The following USP48 variants were observed in gnomAD, a reference collection of about 807,000 sequenced individuals.
USP48 encodes ubiquitin carboxyl-terminal hydrolase 48.
In USP48, 43 loss-of-function variants were observed where a neutral mutation model predicts 150.7. That is an observed-to-expected ratio of 0.29 (90% CI 0.22 to 0.37). The LOEUF is 0.37. USP48 is among the 10% of genes least tolerant of loss of function. The pLI, the probability that USP48 is intolerant of heterozygous loss-of-function variation, is 1.00. For synonymous variants in USP48, 396 were observed against 425.9 expected, an observed-to-expected ratio of 0.93 and a Z score of 0.86; for missense variants, 813 against 1,249.6, an observed-to-expected ratio of 0.65 and a Z score of 5.27.
chr1:21,765,901 C>CAAAAAAAAAAAAAAAAAAA (rs199539331), intron 1 of USP48, among the ~76,000 whole-genome samples: 2 of 112,158 alleles, frequency 1.8e-5, no homozygotes, highest in African/African-American at 8.2e-5. Context: ...ACTCCATCTC[C>CAAAAAAAAAAAAAAAAAAA]AAAAAAAAAA....
At chr1:21,714,210 A>T (rs333186) in intron 15 of USP48, among the ~76,000 whole-genome samples, 1 of 152,064 alleles carries the variant, frequency 6.6e-6, no homozygotes, top group Non-Finnish European at 1.5e-5. Context: ...AACAAGAAAC[A>T]CATGAACATG....
intron 22 of USP48, among the ~76,000 whole-genome samples, 171 bp downstream of exon 22, chr1:21,701,327 T>C (rs1372460960): frequency 2.7e-5 from 4 of 146,590 alleles, no homozygotes; most frequent in African/African-American, 5.1e-5. Flanking sequence ...GATAGTGCCA[T>C]TGCACTCCAG....
intron 8 of USP48, among the ~76,000 whole-genome samples, chr1:21,738,485 T>C (rs989857073): frequency 6.6e-6 from 1 of 151,512 alleles, no homozygotes; most frequent in Non-Finnish European, 1.5e-5. Flanking sequence ...ACCTCCCAAG[T>C]AGCTGAGATT....
In USP48 at chr1:21,694,602, A is replaced by AC. The variant is rs1557429297; in HGVS notation, c.2883+463_2883+464insG. 2.7e-4 allele frequency among the ~76,000 whole-genome samples: 21 copies of AC among 76,368 alleles called. No homozygotes were observed. The East Asian group carries it at 4.3e-3, about 16-fold the overall frequency. 50.1% of individuals were successfully genotyped at this position (76,368 alleles called of 152,430 possible). Reference sequence around the variant, plus strand: ...AAAAAAAAAAAAAAAAAAAAAAAAAAAAAAACCCCCTCTATCTATCAAATA... The same window carrying AC: ...AAAAAAAAAAAAAAAAAAAAAAAAAACAAAAACCCCCTCTATCTATCAAATA... On this transcript the variant is annotated intron_variant, in intron 23 of 26. Coordinates refer to ENST00000308271, the MANE Select transcript of USP48 (RefSeq NM_032236.8).
intron 1 of USP48, among the ~76,000 whole-genome samples, chr1:21,779,596 A>G (rs2097909532): frequency 6.6e-6 from 1 of 152,112 alleles, no homozygotes; most frequent in South Asian, 2.1e-4. Flanking sequence ...CACACAACCC[A>G]ACAATCCCAC....
intron 24 of USP48, among the ~76,000 whole-genome samples, chr1:21,689,118 C>G (rs2097588839): frequency 6.6e-6 from 1 of 150,842 alleles, no homozygotes; most frequent in African/African-American, 2.4e-5. Flanking sequence ...CTACTTTTAA[C>G]TAAGAAAAAC....
chr1:21,679,173 C>CT lies in USP48; in HGVS notation c.*243dup. 4.8e-5 allele frequency: 23 copies of CT among 475,970 alleles called. No individual in the cohort carries two copies. Among genetic ancestry groups the CT allele is most frequent in the Non-Finnish European group, 7.7e-5 (20 of 260,560 alleles). The allele number at this position is 475,970 out of a possible 1,614,324, so 29.5% of individuals were successfully genotyped here. ...AACTTGTTCCGTCTTTACTTGCCCC[C>CT]TCCCACCCACCACCCCCCTTAAATA... On this transcript the variant is annotated 3_prime_UTR_variant, in exon 27 of 27. Coordinates refer to ENST00000308271, the MANE Select transcript of USP48 (RefSeq NM_032236.8).
chr1:21,774,923 C>A (rs559780682), intron 1 of USP48, among the ~76,000 whole-genome samples: 1 of 150,856 alleles, frequency 6.6e-6, no homozygotes, highest in Admixed American at 6.6e-5. Context: ...CCTTGGGAGG[C>A]GGAGGTTGCA....
At chr1:21,724,291 C>T in intron 11 of USP48, 196 bp from the exon 12 acceptor site, 3 of 631,810 alleles carry the variant, frequency 4.7e-6, no homozygotes, top group South Asian at 3.8e-5. Context: ...GTTCAAGGAG[C>T]TGTGCACCAT....
At chr1:21,685,285 C>G (rs979164346) in intron 25 of USP48, among the ~76,000 whole-genome samples, 1 of 147,088 alleles carries the variant, frequency 6.8e-6, no homozygotes, top group Non-Finnish European at 1.5e-5. Context: ...AGTATTTAAT[C>G]TTATTTTTTT....
intron 24 of USP48, among the ~76,000 whole-genome samples, chr1:21,687,475 A>AG (rs944332726): frequency 2.0e-5 from 3 of 152,214 alleles, no homozygotes; most frequent in Non-Finnish European, 2.9e-5. Context: ...GAGGAAAGGC[A>AG]GGGGGGACTA....
At chr1:21,776,518 G>GT (rs2097898737) in intron 1 of USP48, among the ~76,000 whole-genome samples, 1 of 130,544 alleles carries the variant, frequency 7.7e-6, no homozygotes, top group Non-Finnish European at 1.6e-5. Context: ...GAGCCCAGGA[G>GT]TTTGAGACCA....
chr1:21,781,109 G>T (rs1278829363), intron 1 of USP48, among the ~76,000 whole-genome samples: 1 of 149,076 alleles, frequency 6.7e-6, no homozygotes, highest in Non-Finnish European at 1.5e-5. Context: ...GTCTCACGAC[G>T]CTGTCTCGAA....
chr1:21,755,449 T>C (rs1052229806), intron 3 of USP48, among the ~76,000 whole-genome samples: 2 of 152,030 alleles, frequency 1.3e-5, no homozygotes, highest in African/African-American at 4.8e-5. Context: ...TAGTTCCAAC[T>C]ACTCGGGGGG....
intron 23 of USP48, 119 bp from the exon 24 acceptor site, chr1:21,690,218 C>T (rs2097593690): frequency 4.2e-6 from 5 of 1,185,620 alleles, no homozygotes; most frequent in Non-Finnish European, 4.6e-6. Context: ...AGTACAAAAC[C>T]ACTATTGTTT....
rs189287253 is a variant in USP48 at position 21,750,747 on chromosome 1, T to C, written c.774+760A>G. ...CACAAAAAAAATTAGCCAGGTATGG[T>C]GGCCCGCGCCTATAATCCCAGCTAC... On this transcript the variant is annotated intron_variant, in intron 6 of 26. Coordinates refer to ENST00000308271, the MANE Select transcript of USP48 (RefSeq NM_032236.8). Among the ~76,000 whole-genome samples the C allele has an allele frequency of 2.6e-3, 395 of 152,176 alleles. 1 individual carries two copies. The highest frequency in any genetic ancestry group is 4.7e-3 in the Non-Finnish European group (317 of 68,010).
At chr1:21,680,302 A>G (rs1558976842) in intron 26 of USP48, among the ~76,000 whole-genome samples, 1 of 152,206 alleles carries the variant, frequency 6.6e-6, no homozygotes, top group South Asian at 2.1e-4. Context: ...GCACAACTAC[A>G]TGGCCCAGAT....
At chr1:21,763,224 A>C (rs2097854162) in intron 1 of USP48, among the ~76,000 whole-genome samples, 1 of 152,178 alleles carries the variant, frequency 6.6e-6, no homozygotes, top group South Asian at 2.1e-4. Flanking sequence ...TCTTAAATTA[A>C]TTGCTTGCTA....
chr1:21,778,269 A>G lies in USP48; in HGVS notation c.134+4555T>C, dbSNP rs76942798. On this transcript the variant is annotated intron_variant, in intron 1 of 26. Transcript: ENST00000308271. The stretch of plus-strand genomic sequence containing the variant: ...CTCAAAAAAGATATATGAATGGCCA[A>G]TAAGTACACAAAAAGATGTTTAACG... 7.9e-3 allele frequency among the ~76,000 whole-genome samples: 1,196 copies of G among 152,326 alleles called. 16 individuals are homozygous for G. Among genetic ancestry groups the G allele is most frequent in the African/African-American group, 0.027 (1,125 of 41,580 alleles).
Sources: allele counts gnomAD v4.1 joint callset (sites outside exome capture counted in the v4.1 genomes callset), GRCh38; gene constraint gnomAD v4.1.1; transcripts MANE v1.5; gene names NCBI Gene and HGNC (gene_info 2026-07-23, HGNC 2026-07-21).